PPP1R9A: variants seen among roughly 807,000 people sequenced by gnomAD.
The protein encoded by PPP1R9A is protein phosphatase 1 regulatory subunit 9A.
PPP1R9A carries 59 observed loss-of-function variants against 141.9 expected under a neutral mutation model. The observed-to-expected ratio is 0.42, with a 90% CI of 0.34 to 0.52. The LOEUF (loss-of-function observed/expected upper bound fraction) is 0.52. Ranked by LOEUF, PPP1R9A falls within the 20% of genes least tolerant of loss-of-function variation. The probability of loss-of-function intolerance (pLI) is 0.10; values close to 1 mark genes in which losing one functional copy is unlikely to be tolerated. For missense variants in PPP1R9A, 1,444 were observed against 1,611.9 expected (o/e 0.90, Z 1.78); for synonymous variants, 500 against 569.7 (o/e 0.88, Z 1.74).
intron 4 of PPP1R9A, chr7:95,155,152 G>A (rs551759426): frequency 6.6e-6 from 1 of 150,622 alleles, no homozygotes; most frequent in African/African-American, 2.4e-5. Context: ...TCACAGCAAA[G>A]GTACAGTTCT....
intron 14 of PPP1R9A, among the ~76,000 whole-genome samples, chr7:95,271,468 A>T (rs533380621): frequency 6.6e-6 from 1 of 152,312 alleles, no homozygotes; most frequent in South Asian, 2.1e-4. Context: ...CTCAGAACAT[A>T]TGGTCTTGTC....
chr7:95,166,393 A>G lies in PPP1R9A; in HGVS notation c.1754+4422A>G, dbSNP rs150623451. On this transcript the variant is annotated intron_variant, in intron 5 of 19. Transcript: ENST00000433360. ...CTGTTAAAAATAAAGCAAGTTAAACAAACTAGAAAACTTAGACAAACTGGA... is the reference window on the plus strand; with the variant it reads ...CTGTTAAAAATAAAGCAAGTTAAACGAACTAGAAAACTTAGACAAACTGGA... 1.7e-3 allele frequency among the ~76,000 whole-genome samples: 257 copies of G among 152,282 alleles called. 8 individuals carry two copies. The East Asian group carries it at 0.035, about 21-fold the overall frequency.
intron 2 of PPP1R9A, among the ~76,000 whole-genome samples, chr7:94,996,930 G>A (rs1054988453): frequency 2.6e-5 from 4 of 151,218 alleles, no homozygotes; most frequent in East Asian, 2.0e-4. Context: ...AGCCGCCCAA[G>A]TAGCTGGGAT....
At chr7:95,007,494 T>A (rs1475153865) in intron 2 of PPP1R9A, among the ~76,000 whole-genome samples, 1 of 152,212 alleles carries the variant, frequency 6.6e-6, no homozygotes, top group Non-Finnish European at 1.5e-5. Flanking sequence ...GTTTGTATTC[T>A]CTCATTTCCC....
chr7:95,066,211 T>C lies in PPP1R9A; in HGVS notation c.1396-45048T>C, dbSNP rs142256873. ...CGGTATTTGCACAGAGGAAACACTG[T>C]GTGGATACAAAAGGTGACTAGACCG... On this transcript the variant is annotated intron_variant, in intron 2 of 19. Coordinates refer to ENST00000433360, the MANE Select transcript of PPP1R9A (RefSeq NM_001166160.2). Among the ~76,000 whole-genome samples the C allele has an allele frequency of 2.0e-5, 3 of 152,286 alleles. No homozygotes were observed. The East Asian group carries it at 5.8e-4, about 29-fold the overall frequency.
chr7:95,193,285 TTTAACA>T (rs1218220874), intron 5 of PPP1R9A, among the ~76,000 whole-genome samples: 1 of 152,114 alleles, frequency 6.6e-6, no homozygotes, highest in African/African-American at 2.4e-5. Context: ...ATATATGTAC[TTTAACA>T]TTACACTTTT....
intron 2 of PPP1R9A, among the ~76,000 whole-genome samples, chr7:95,086,215 C>A (rs1440464409): frequency 6.6e-6 from 1 of 151,886 alleles, no homozygotes; most frequent in Non-Finnish European, 1.5e-5. Context: ...GACTGTAGTA[C>A]ATATTGCTCT....
At chr7:95,205,015 C>T (rs912372659) in intron 7 of PPP1R9A, among the ~76,000 whole-genome samples, 17 of 151,408 alleles carry the variant, frequency 1.1e-4, no homozygotes, top group South Asian at 4.2e-4. Flanking sequence ...ACCACACACA[C>T]GCCACACACA....
At chr7:95,204,110 T>A (rs1237319868) in intron 7 of PPP1R9A, among the ~76,000 whole-genome samples, 1 of 152,206 alleles carries the variant, frequency 6.6e-6, no homozygotes, top group East Asian at 1.9e-4. Flanking sequence ...CAGTACTTTT[T>A]TAGAAAATAA....
Position 95,214,560 on chromosome 7 carries a change from T to C in PPP1R9A, c.1956+10830T>C, listed in dbSNP as rs116526929. On this transcript the variant is annotated intron_variant, in intron 7 of 19. Coordinates refer to ENST00000433360, the MANE Select transcript of PPP1R9A (RefSeq NM_001166160.2). Reference sequence around the variant, plus strand: ...TCTGAGAAGTGGCATTCCATTACTTTTGTTGTATTCTGGTTGTTGGAAATC... The same window carrying C: ...TCTGAGAAGTGGCATTCCATTACTTCTGTTGTATTCTGGTTGTTGGAAATC... 9.4e-3 allele frequency among the ~76,000 whole-genome samples: 1,425 copies of C among 152,240 alleles called. 21 individuals are homozygous for C. The highest frequency in any genetic ancestry group is 0.033 in the African/African-American group (1,370 of 41,532).
intron 2 of PPP1R9A, among the ~76,000 whole-genome samples, chr7:95,003,435 A>T (rs995980759): frequency 6.6e-6 from 1 of 152,162 alleles, no homozygotes; most frequent in African/African-American, 2.4e-5. Flanking sequence ...ATTCCAAGTA[A>T]GATCATTTAG....
chr7:95,168,243 T>C (rs1202828914), intron 5 of PPP1R9A, among the ~76,000 whole-genome samples: 2 of 151,988 alleles, frequency 1.3e-5, no homozygotes, highest in Non-Finnish European at 2.9e-5. Context: ...AATTCACACC[T>C]TTATGGCCAA....
chr7:95,257,887 G>A (rs1339462660), intron 12 of PPP1R9A, among the ~76,000 whole-genome samples: 4 of 152,110 alleles, frequency 2.6e-5, no homozygotes, highest in African/African-American at 7.2e-5. Flanking sequence ...TGGTGTATAT[G>A]TGCCACATTT....
intron 2 of PPP1R9A, among the ~76,000 whole-genome samples, chr7:94,979,592 T>G (rs1337411730): frequency 4.6e-5 from 7 of 152,246 alleles, no homozygotes; most frequent in Admixed American, 1.3e-4. Flanking sequence ...TTAGAGTTAC[T>G]TGTAATCTGT....
At chr7:95,163,889 C>G (rs1330600557) in intron 5 of PPP1R9A, among the ~76,000 whole-genome samples, 5 of 152,120 alleles carry the variant, frequency 3.3e-5, no homozygotes, top group Non-Finnish European at 7.4e-5. Flanking sequence ...CAGGCATCCA[C>G]CACCACATCC....
chr7:95,140,760 T>C (rs1193300869), intron 4 of PPP1R9A, among the ~76,000 whole-genome samples: 1 of 152,198 alleles, frequency 6.6e-6, no homozygotes, highest in East Asian at 1.9e-4. Flanking sequence ...TCACCCAGGC[T>C]GGAGTGCAGT....
chr7:94,993,322 T>C (rs966201005), intron 2 of PPP1R9A, among the ~76,000 whole-genome samples: 5 of 152,170 alleles, frequency 3.3e-5, no homozygotes, highest in Admixed American at 1.3e-4. Flanking sequence ...TAATAATCCT[T>C]AAAAGCAGGA....
intron 8 of PPP1R9A, among the ~76,000 whole-genome samples, chr7:95,229,222 A>G (rs940334635): frequency 2.6e-5 from 4 of 152,004 alleles, no homozygotes; most frequent in African/African-American, 9.7e-5. Flanking sequence ...CTTTTGCCCC[A>G]AGAACTACCA....
intron 8 of PPP1R9A, among the ~76,000 whole-genome samples, chr7:95,240,477 C>CT (rs1224608374): frequency 6.6e-6 from 1 of 150,410 alleles, no homozygotes; most frequent in African/African-American, 2.4e-5. Context: ...TTTATTTTGT[C>CT]TTTTTTTCGT....
Sources: allele counts gnomAD v4.1 joint callset (sites outside exome capture counted in the v4.1 genomes callset), GRCh38; gene constraint gnomAD v4.1.1; transcripts MANE v1.5; gene names NCBI Gene and HGNC (gene_info 2026-07-23, HGNC 2026-07-21).